Variants in PDE10A observed in about 807,000 individuals in gnomAD.
PDE10A encodes phosphodiesterase 10A.
PDE10A carries 39 observed loss-of-function variants against 97.7 expected under a neutral mutation model. That is an observed-to-expected ratio of 0.40 (90% confidence interval 0.31 to 0.52). PDE10A has a LOEUF of 0.52. Among genes scored for constraint, PDE10A ranks in the 20% least tolerant of loss-of-function variants. The pLI, the probability that PDE10A is intolerant of heterozygous loss-of-function variation, is 0.56. For synonymous variants in PDE10A, 371 were observed against 376.8 expected, an observed-to-expected ratio of 0.98 and a Z score of 0.18; for missense variants, 731 against 1,047.8, an observed-to-expected ratio of 0.70 and a Z score of 4.17.
chr6:165,773,321 A>G (rs956124959), intron 1 of PDE10A: 2 of 152,082 alleles, frequency 1.3e-5, no homozygotes, highest in African/African-American at 2.4e-5. Context: ...GCCAATAACT[A>G]TTTTACTTCC....
intron 1 of PDE10A, among the ~76,000 whole-genome samples, chr6:165,782,239 A>G (rs1778359915): frequency 6.6e-6 from 1 of 152,214 alleles, no homozygotes; most frequent in Admixed American, 6.5e-5. Flanking sequence ...GTCCTCTGGG[A>G]TTTTACTGCC....
At position 165,579,632 on chromosome 6, in the gene PDE10A, C is replaced by G. The variant is rs115437451; in HGVS notation, c.866-36064G>C. Among the ~76,000 whole-genome samples the G allele has an allele frequency of 2.8e-3, 427 of 152,310 alleles. 2 individuals are homozygous for G. Among genetic ancestry groups the G allele is most frequent in the African/African-American group, 9.9e-3 (411 of 41,572 alleles). The stretch of plus-strand genomic sequence containing the variant: ...TCCAATAGCTTTCTAACTGGTTAAC[C>G]TGCATGCATCTATAGTCTGGTCTCA... On this transcript the variant is annotated intron_variant, in intron 1 of 21. Transcript: ENST00000539869.
chr6:165,615,211 G>GAAAA (rs67040785), intron 1 of PDE10A, among the ~76,000 whole-genome samples: 18 of 134,520 alleles, frequency 1.3e-4, no homozygotes, highest in Non-Finnish European at 3.1e-5. Context: ...CTCCATCTCA[G>GAAAA]AAAAAAAAAA....
At chr6:165,649,357 G>A (rs1184481085) in intron 1 of PDE10A, among the ~76,000 whole-genome samples, 1 of 152,100 alleles carries the variant, frequency 6.6e-6, no homozygotes, top group Non-Finnish European at 1.5e-5. Flanking sequence ...CAAACCAAGG[G>A]GGAAGAGTCA....
At chr6:165,973,679 G>A (rs769937634) in intron 1 of PDE10A, among the ~76,000 whole-genome samples, 6 of 152,186 alleles carry the variant, frequency 3.9e-5, no homozygotes, top group Admixed American at 6.5e-5. Context: ...GAGAAGCACC[G>A]CCGCGTGGGC....
chr6:165,663,642 C>A (rs576080047), upstream of PDE10A, among the ~76,000 whole-genome samples: 1 of 152,312 alleles, frequency 6.6e-6, no homozygotes, highest in Admixed American at 6.5e-5. Context: ...CGCAGTGTTT[C>A]CCATAAACTA....
chr6:165,416,638 C>T lies in PDE10A; in HGVS notation c.1797-357G>A, dbSNP rs1234200651. Among the ~76,000 whole-genome samples, 4 of 152,188 alleles carry T rather than the reference C, an allele frequency of 2.6e-5. No homozygotes were observed. In the East Asian group the frequency reaches 7.7e-4, roughly 29 times the overall value. On this transcript the variant is annotated intron_variant, in intron 11 of 21. Coordinates refer to ENST00000539869, the MANE Select transcript of PDE10A (RefSeq NM_001385079.1). ...TAGTGGATTCTCAATGAGGTGTGAA[C>T]GAAGGCCTATATGGGTTCAGTAATT...
intron 1 of PDE10A, among the ~76,000 whole-genome samples, chr6:165,874,290 T>C (rs2498575): frequency 0.81 from 123,231 of 152,178 alleles, 50,326 homozygotes; most frequent in East Asian, 0.96. Context: ...ACTAATGGAG[T>C]TACCTGCTTC....
chr6:165,950,952 G>A (rs1462817628), intron 1 of PDE10A, among the ~76,000 whole-genome samples: 2 of 152,204 alleles, frequency 1.3e-5, no homozygotes, highest in Admixed American at 1.3e-4. Flanking sequence ...AAAAGATCCT[G>A]ATTTCTTTGG....
At chr6:165,515,222 T>C (rs537845042) in intron 2 of PDE10A, among the ~76,000 whole-genome samples, 1 of 152,314 alleles carries the variant, frequency 6.6e-6, no homozygotes, top group East Asian at 1.9e-4. Flanking sequence ...GTTTCTAAAA[T>C]GTTTTTAAGG....
intron 1 of PDE10A, among the ~76,000 whole-genome samples, chr6:165,964,432 G>T (rs1385891835): frequency 6.6e-6 from 1 of 152,040 alleles, no homozygotes; most frequent in African/African-American, 2.4e-5. Context: ...TTGTGTCATT[G>T]CCAGCTTTAC....
At chr6:165,615,920 C>T (rs1787706845) in intron 1 of PDE10A, among the ~76,000 whole-genome samples, 1 of 152,066 alleles carries the variant, frequency 6.6e-6, no homozygotes, top group South Asian at 2.1e-4. Flanking sequence ...CCCTGAAGGC[C>T]AAAACGGAGG....
At chr6:165,619,400 T>C (rs1333130284) in intron 1 of PDE10A, among the ~76,000 whole-genome samples, 1 of 135,790 alleles carries the variant, frequency 7.4e-6, no homozygotes, top group African/African-American at 3.0e-5. Flanking sequence ...TAGTGTAGTG[T>C]AGTGTAGTCT....
At chr6:165,528,381 G>A (rs1782575956) in intron 2 of PDE10A, among the ~76,000 whole-genome samples, 1 of 152,202 alleles carries the variant, frequency 6.6e-6, no homozygotes, top group South Asian at 2.1e-4. Context: ...GGCCATGGTG[G>A]CAGGGATGGA....
chr6:165,384,704 T>A (rs1785176715), intron 17 of PDE10A, among the ~76,000 whole-genome samples: 1 of 150,204 alleles, frequency 6.7e-6, no homozygotes, highest in Non-Finnish European at 1.5e-5. Flanking sequence ...GCTTTTCAAG[T>A]CTATTGTATT....
rs182224444 is a variant in PDE10A, at chr6:165,358,043, G to A, written c.2784-14541C>T. On this transcript the variant is annotated intron_variant, in intron 18 of 21. Coordinates refer to ENST00000539869, the MANE Select transcript of PDE10A (RefSeq NM_001385079.1). ...CTGTCATTCTGGTTGAGGTATTCTC[G>A]GACTTCCCGTGGAGTGTCTCTTTTG... Among the ~76,000 whole-genome samples the A allele has an allele frequency of 1.2e-4, 19 of 152,102 alleles. No homozygotes were observed. The East Asian group carries it at 2.7e-3, about 22-fold the overall frequency.
At chr6:165,335,158 G>A (rs934025357) in intron 21 of PDE10A, among the ~76,000 whole-genome samples, 2 of 152,198 alleles carry the variant, frequency 1.3e-5, no homozygotes, top group African/African-American at 2.4e-5. Context: ...GTTCTTAACC[G>A]AGTTCACTCT....
chr6:165,598,940 T>A (rs1319410007), intron 1 of PDE10A, among the ~76,000 whole-genome samples: 1 of 152,170 alleles, frequency 6.6e-6, no homozygotes, highest in Non-Finnish European at 1.5e-5. Context: ...CTCTATGGAA[T>A]GCTCTCTTTT....
chr6:165,700,272 T>C (rs1791535342), intron 1 of PDE10A, among the ~76,000 whole-genome samples: 1 of 151,904 alleles, frequency 6.6e-6, no homozygotes. Flanking sequence ...CAGAAGATGG[T>C]TGTGTAGGGA....
Sources: allele counts gnomAD v4.1 joint callset (sites outside exome capture counted in the v4.1 genomes callset), GRCh38; gene constraint gnomAD v4.1.1; transcripts MANE v1.5; gene names NCBI Gene and HGNC (gene_info 2026-07-23, HGNC 2026-07-21).